Variants in FGFR1 observed in about 807,000 individuals in gnomAD.
FGFR1 encodes the protein FGFR1/PLAG1 fusion.
Under a neutral mutation model 93.7 loss-of-function variants are expected in FGFR1, and 18 were observed. The observed-to-expected ratio is 0.19, with a 90% CI of 0.13 to 0.28. The LOEUF is 0.28. FGFR1 is among the 10% of genes least tolerant of loss of function. FGFR1 has a pLI of 1.00. For missense variants in FGFR1, 731 were observed against 1,080.4 expected (o/e 0.68, Z 4.53); for synonymous variants, 448 against 429.3 (o/e 1.04, Z -0.54).
At chr8:38,419,398 GATATTCCACTGT>G (rs1356042407) in intron 9 of FGFR1, 123 bp downstream of exon 9, 76 of 806,708 alleles carry the variant, frequency 9.4e-5, no homozygotes, top group Non-Finnish European at 1.4e-4. Context: ...CTTAGTTCAT[GATATTCCACTGT>G]GCCTTGCCCA....
At chr8:38,451,382 T>C (rs1348659715) in intron 2 of FGFR1, among the ~76,000 whole-genome samples, 1 of 151,932 alleles carries the variant, frequency 6.6e-6, no homozygotes, top group Non-Finnish European at 1.5e-5. Context: ...GTAGTACCTA[T>C]TTGAGACTCT....
intron 1 of FGFR1, among the ~76,000 whole-genome samples, chr8:38,467,092 T>C (rs1036690220): frequency 6.6e-6 from 1 of 152,014 alleles, no homozygotes; most frequent in African/African-American, 2.4e-5. Flanking sequence ...TACGCATCGC[T>C]GCCGAGTGAA....
intron 7 of FGFR1, chr8:38,423,805 A>C (rs1471151193): frequency 6.2e-6 from 1 of 161,936 alleles, no homozygotes; most frequent in Admixed American, 6.0e-5. Context: ...CACCAGCAGC[A>C]AAGAGAAGAG....
intron 8 of FGFR1, 101 bp from the exon 9 acceptor site, chr8:38,419,836 A>G (rs1818084900): frequency 4.0e-6 from 4 of 990,406 alleles, no homozygotes; most frequent in African/African-American, 3.2e-5. Flanking sequence ...TCCCCTGGGA[A>G]CTTTTAGGGA....
chr8:38,432,641 G>A (rs1474775743), intron 2 of FGFR1, among the ~76,000 whole-genome samples: 3 of 152,208 alleles, frequency 2.0e-5, no homozygotes, highest in Admixed American at 6.5e-5. Context: ...TCCTGACCTC[G>A]TGATCTGCCT....
intron 2 of FGFR1, among the ~76,000 whole-genome samples, chr8:38,451,445 C>T (rs753384462): frequency 2.6e-5 from 4 of 152,132 alleles, no homozygotes; most frequent in South Asian, 4.1e-4. Context: ...CAGCTGGAGA[C>T]GCCCAGGGAT....
At chr8:38,437,714 A>C (rs994363728) in intron 2 of FGFR1, among the ~76,000 whole-genome samples, 3 of 152,230 alleles carry the variant, frequency 2.0e-5, no homozygotes, top group African/African-American at 7.2e-5. Flanking sequence ...AACAGTAACA[A>C]ATAATGATTT....
At chr8:38,422,903 T>C (rs1377225370) in intron 7 of FGFR1, 1 of 635,874 alleles carries the variant, frequency 1.6e-6, no homozygotes, top group Non-Finnish European at 2.8e-6. Context: ...TTTCCATGGC[T>C]CTGGGCACTA....
At chr8:38,439,518 A>G (rs1282667496) in intron 2 of FGFR1, among the ~76,000 whole-genome samples, 1 of 152,092 alleles carries the variant, frequency 6.6e-6, no homozygotes, top group Non-Finnish European at 1.5e-5. Context: ...AGGACTGCAC[A>G]GGGCTCACAA....
rs1288519915 is a variant in FGFR1 at position 38,419,669 on chromosome 8, C to G, written c.1148G>C (p.Gly383Ala). Residue 383 changes from glycine to alanine, a missense_variant, in exon 9 of 18, where the codon GGG becomes GCG. By Grantham distance (60) the Gly-to-Ala change is moderately conservative. This residue lies in a region of FGFR1 where 146 missense variants were observed against 173.0 expected (regional missense o/e 0.84). Coordinates refer to ENST00000447712, the MANE Select transcript of FGFR1 (RefSeq NM_023110.3). ...LYLEIIIYCT[G>A]AFLISCMVGS... The stretch of plus-strand genomic sequence containing the variant: ...CACCATGCAGGAGATGAGGAAGGCC[C>G]CTGTGCAATAGATGATGATCTCCAG... 1 of 1,613,962 alleles carries G rather than the reference C, an allele frequency of 6.2e-7. No individual in the cohort carries two copies.
At chr8:38,422,068 C>T (rs1819009417) in intron 7 of FGFR1, 127 bp from the exon 8 acceptor site, 2 of 1,147,074 alleles carry the variant, frequency 1.7e-6, no homozygotes, top group Admixed American at 2.0e-5. Context: ...ATCTTCTTTG[C>T]AACAAGGAAC....
At chr8:38,445,037 C>T (rs1828850615) in intron 2 of FGFR1, among the ~76,000 whole-genome samples, 1 of 152,132 alleles carries the variant, frequency 6.6e-6, no homozygotes, top group South Asian at 2.1e-4. Flanking sequence ...CCTCAGCTTC[C>T]TCCACTGTAA....
intron 1 of FGFR1, chr8:38,461,095 C>A (rs2151425685): frequency 6.5e-7 from 1 of 1,536,070 alleles, no homozygotes. Flanking sequence ...GAAATACTTG[C>A]CTTGCCTCCA....
intron 2 of FGFR1, among the ~76,000 whole-genome samples, chr8:38,442,408 T>G (rs1827838907): frequency 1.5e-5 from 2 of 133,626 alleles, no homozygotes; most frequent in African/African-American, 5.3e-5. Context: ...GGGGTCCCAC[T>G]GCTGGAGGGG....
intron 6 of FGFR1, 172 bp downstream of exon 6, chr8:38,425,950 A>G (rs2150851510): frequency 2.5e-6 from 2 of 809,140 alleles, no homozygotes; most frequent in Non-Finnish European, 4.2e-6. Context: ...TATTTTACAG[A>G]TAAGAAAAGT....
intron 3 of FGFR1, chr8:38,428,737 G>A (rs1821721622): frequency 2.3e-6 from 1 of 435,350 alleles, no homozygotes; most frequent in Non-Finnish European, 4.3e-6. Context: ...TTCTCAACTT[G>A]TGGTGCCACC....
At chr8:38,456,000 C>T (rs1413123887) in intron 2 of FGFR1, among the ~76,000 whole-genome samples, 1 of 152,208 alleles carries the variant, frequency 6.6e-6, no homozygotes, top group Non-Finnish European at 1.5e-5. Flanking sequence ...CTGTTACTGA[C>T]AGCAACATGA....
At position 38,429,271 on chromosome 8, in the gene FGFR1, G is replaced by T; in HGVS notation, c.358+411C>A. On this transcript the variant is annotated intron_variant, in intron 3 of 17. Transcript: ENST00000447712. The surrounding 1 kb of genome is among the most constrained non-coding windows in gnomAD (Gnocchi z 4.4). ...CCTGGGTTCCTCTCCAGCAGAGCAG[G>T]GATACCACCACCTGTTCAGGGCCTC... 2.0e-6 allele frequency: 1 copy of T among 509,350 alleles called. No individual in the cohort carries two copies. The highest frequency in any genetic ancestry group is 3.9e-6 in the Non-Finnish European group (1 of 258,206). 31.6% of individuals were successfully genotyped at this position (509,350 alleles called of 1,614,324 possible).
chr8:38,445,707 T>A (rs145101877), intron 2 of FGFR1, among the ~76,000 whole-genome samples: 1,526 of 151,508 alleles, frequency 0.01, 21 homozygotes, highest in African/African-American at 0.032. Context: ...CCCGGTTATT[T>A]TTTTTTTTTT....
Sources: gnomAD v4.1 joint callset for allele counts (sites outside exome capture counted in the v4.1 genomes callset) on GRCh38, gnomAD v4.1.1 for gene constraint, gnomAD v4.1.1 regional missense constraint, Gnocchi (gnomAD v3.1) non-coding constraint, MANE v1.5 for transcripts, NCBI Gene and HGNC (gene_info 2026-07-23, HGNC 2026-07-21) for gene names.